Variants in RGS7 observed in about 807,000 individuals in gnomAD.
The protein encoded by RGS7 is regulator of G protein signaling 7, also known as regulator of G-protein signaling 7.
Under a neutral mutation model 81.1 loss-of-function variants are expected in RGS7, and 27 were observed. The ratio of observed to expected loss-of-function variants is 0.33; its 90% confidence interval spans 0.25 to 0.46. The LOEUF is 0.46. RGS7 is among the 20% of genes least tolerant of loss of function. RGS7 has a pLI of 1.00. For missense variants in RGS7, 396 were observed against 607.4 expected, an observed-to-expected ratio of 0.65 and a Z score of 3.66; for synonymous variants, 208 against 207.7, an observed-to-expected ratio of 1.00 and a Z score of -0.01.
intron 3 of RGS7, among the ~76,000 whole-genome samples, chr1:241,065,943 T>C (rs1030779059): frequency 2.0e-5 from 3 of 152,226 alleles, no homozygotes; most frequent in Non-Finnish European, 2.9e-5. Flanking sequence ...TGGCATGCAC[T>C]ATAGCAATGT....
At chr1:241,228,068 T>A (rs1478219053) in intron 2 of RGS7, among the ~76,000 whole-genome samples, 1 of 152,178 alleles carries the variant, frequency 6.6e-6, no homozygotes, top group African/African-American at 2.4e-5. Context: ...AGAAAAGCCA[T>A]GGGGCTTGTG....
chr1:240,959,684 AG>A (rs1558525945), intron 4 of RGS7, among the ~76,000 whole-genome samples: 1 of 152,240 alleles, frequency 6.6e-6, no homozygotes, highest in Non-Finnish European at 1.5e-5. Context: ...TATTTTAAAA[AG>A]GACACTTCAC....
intron 2 of RGS7, among the ~76,000 whole-genome samples, chr1:241,104,512 A>G (rs553893713): frequency 5.3e-5 from 8 of 152,228 alleles, no homozygotes; most frequent in African/African-American, 9.6e-5. Flanking sequence ...ATGAGATGGC[A>G]TTCACTTTTA....
chr1:241,031,112 C>T (rs1558622380), intron 3 of RGS7, among the ~76,000 whole-genome samples: 8 of 152,174 alleles, frequency 5.3e-5, no homozygotes, highest in East Asian at 3.9e-4. Context: ...TCATCCTTCA[C>T]TCCCCTTCCT....
In RGS7 at chr1:240,801,499, A is replaced by C; in HGVS notation, c.1369T>G (p.Ser457Ala). Residue 457 changes from serine to alanine, a missense_variant, in exon 17 of 19, where the codon TCA (serine) becomes GCA (alanine). By Grantham distance (99) the Ser-to-Ala change is moderately conservative. Coordinates refer to ENST00000440928, the MANE Select transcript of RGS7 (RefSeq NM_001364886.1). Reference protein sequence around the residue: ...LLQAKKKSGNSMDRRTSFEKF... With the variant: ...LLQAKKKSGNAMDRRTSFEKF... ...TCAAAAGATGTTCTGCGATCCATTG[A>C]GTTTCCAGACTTACGTATGTGGGGT... 2 of 1,607,776 alleles carry C rather than the reference A, an allele frequency of 1.2e-6. No homozygotes were observed.
intron 6 of RGS7, among the ~76,000 whole-genome samples, chr1:240,906,229 G>A (rs927433240): frequency 1.3e-5 from 2 of 152,156 alleles, no homozygotes; most frequent in Non-Finnish European, 2.9e-5. Context: ...CTCCTCCTGT[G>A]TCTGCGTATC....
chr1:241,033,982 AG>A (rs1451744913), intron 3 of RGS7, among the ~76,000 whole-genome samples: 1 of 152,240 alleles, frequency 6.6e-6, no homozygotes, highest in East Asian at 1.9e-4. Context: ...TACAGTATAC[AG>A]CATATCCCAC....
chr1:240,833,182 C>G (rs781248664), intron 9 of RGS7, among the ~76,000 whole-genome samples: 40 of 152,096 alleles, frequency 2.6e-4, no homozygotes, highest in Non-Finnish European at 5.1e-4. Flanking sequence ...ACTGCAATAC[C>G]AGGACAGTCG....
intron 18 of RGS7, among the ~76,000 whole-genome samples, chr1:240,794,513 A>T (rs1248744052): frequency 6.6e-6 from 1 of 152,202 alleles, no homozygotes; most frequent in Non-Finnish European, 1.5e-5. Context: ...TGGCAAGTTT[A>T]TATGTTTTCT....
intron 2 of RGS7, among the ~76,000 whole-genome samples, chr1:241,287,248 GCTGTGTCCCCACCCAAAT>G (rs1415788582): frequency 1.3e-5 from 2 of 152,166 alleles, no homozygotes; most frequent in Non-Finnish European, 2.9e-5. Context: ...ATATGGTTTG[GCTGTGTCCCCACCCAAAT>G]CTCATCTTGA....
At chr1:241,351,518 A>T (rs1558350557) in intron 2 of RGS7, among the ~76,000 whole-genome samples, 1 of 152,116 alleles carries the variant, frequency 6.6e-6, no homozygotes, top group Non-Finnish European at 1.5e-5. Context: ...AGATTTATTC[A>T]GGTACCTGAG....
At chr1:241,055,173 C>A in intron 3 of RGS7, among the ~76,000 whole-genome samples, 1 of 152,162 alleles carries the variant, frequency 6.6e-6, no homozygotes, top group East Asian at 1.9e-4. Context: ...ACCAGATTCT[C>A]CAGCAGACAT....
At chr1:240,927,466 G>A (rs1674652165) in intron 6 of RGS7, among the ~76,000 whole-genome samples, 1 of 152,182 alleles carries the variant, frequency 6.6e-6, no homozygotes, top group Admixed American at 6.5e-5. Context: ...GGACTTCACA[G>A]CCCAAGTACA....
chr1:241,181,471 C>T (rs2071613980), intron 2 of RGS7, among the ~76,000 whole-genome samples: 1 of 152,166 alleles, frequency 6.6e-6, no homozygotes, highest in Non-Finnish European at 1.5e-5. Context: ...CAGCACAGAG[C>T]TTCCTAAATA....
rs529951343 is a variant in RGS7 at position 241,239,715 on chromosome 1, A to C, written c.78+115984T>G. 3.3e-5 allele frequency among the ~76,000 whole-genome samples: 5 copies of C among 152,332 alleles called. No homozygotes were observed. The East Asian group carries it at 9.6e-4, about 29-fold the overall frequency. The stretch of plus-strand genomic sequence containing the variant: ...TCAAGGGAACAGTGGCGACAGCAGC[A>C]AACGGGACATGTCAGAAATGCAAAT... On this transcript the variant is annotated intron_variant, in intron 2 of 18. Coordinates refer to ENST00000440928, the MANE Select transcript of RGS7 (RefSeq NM_001364886.1).
At chr1:241,102,681 G>A (rs2064843394) in intron 2 of RGS7, among the ~76,000 whole-genome samples, 1 of 151,934 alleles carries the variant, frequency 6.6e-6, no homozygotes, top group Non-Finnish European at 1.5e-5. Flanking sequence ...TCCTCTCACT[G>A]TTGCCTCCTC....
intron 2 of RGS7, among the ~76,000 whole-genome samples, chr1:241,287,388 G>A (rs1252166213): frequency 3.3e-5 from 5 of 152,082 alleles, no homozygotes; most frequent in Non-Finnish European, 5.9e-5. Flanking sequence ...TAAGTCTCAC[G>A]AGATCTGATG....
intron 18 of RGS7, among the ~76,000 whole-genome samples, chr1:240,794,523 T>C (rs903679743): frequency 6.6e-6 from 1 of 152,224 alleles, no homozygotes; most frequent in African/African-American, 2.4e-5. Context: ...ATATGTTTTC[T>C]TTTTATTTGT....
At position 240,909,514 on chromosome 1, in the gene RGS7, C is replaced by T. The variant is rs1411399020; in HGVS notation, c.385+21203G>A. On this transcript the variant is annotated intron_variant, in intron 6 of 18. Coordinates refer to ENST00000440928, the MANE Select transcript of RGS7 (RefSeq NM_001364886.1). Reference sequence around the variant, plus strand: ...GATAACACAGCCATGGAATCTTTTACCCTACCTAAATGTGTCATAACAAGA... The same window carrying T: ...GATAACACAGCCATGGAATCTTTTATCCTACCTAAATGTGTCATAACAAGA... 2.6e-5 allele frequency among the ~76,000 whole-genome samples: 4 copies of T among 152,208 alleles called. No individual in the cohort carries two copies. In the East Asian group the frequency reaches 7.7e-4, roughly 29 times the overall value.
Sources: allele counts gnomAD v4.1 joint callset (sites outside exome capture counted in the v4.1 genomes callset), GRCh38; gene constraint gnomAD v4.1.1; transcripts MANE v1.5; gene names NCBI Gene and HGNC (gene_info 2026-07-23, HGNC 2026-07-21).